Variants in CSNK1G1 observed in about 807,000 individuals in gnomAD.
CSNK1G1 encodes the protein casein kinase I isoform gamma-1.
A neutral mutation model predicts 59.6 loss-of-function variants in CSNK1G1; 22 were observed. The observed-to-expected ratio is 0.37, with a 90% CI of 0.26 to 0.53. CSNK1G1 has a LOEUF of 0.53. Ranked by LOEUF, CSNK1G1 falls within the 20% of genes least tolerant of loss-of-function variation. The pLI, the probability that CSNK1G1 is intolerant of heterozygous loss-of-function variation, is 0.89. For synonymous variants in CSNK1G1, 179 were observed against 177.1 expected (o/e 1.01, Z -0.08); for missense variants, 384 against 519.5 (o/e 0.74, Z 2.54).
At position 64,259,190 on chromosome 15, in the gene CSNK1G1, A is replaced by T; in HGVS notation, c.222+11T>A. The T allele has an allele frequency of 1.3e-6, 2 of 1,583,210 alleles. No homozygotes were observed. Among genetic ancestry groups the T allele is most frequent in the Non-Finnish European group, 1.7e-6 (2 of 1,162,414 alleles). On this transcript the variant is annotated intron_variant, in intron 3 of 11. Transcript: ENST00000303052. ...CCAAAACATTAATTACCACAAACAG[A>T]TTCTACTCACCAGTTTGATTGCTAC... is the stretch of plus-strand genomic sequence containing the variant.
At chr15:64,292,557 T>A (rs992600762) in intron 2 of CSNK1G1, among the ~76,000 whole-genome samples, 1 of 152,202 alleles carries the variant, frequency 6.6e-6, no homozygotes, top group Non-Finnish European at 1.5e-5. Flanking sequence ...ATGAATATTA[T>A]TAAAATCATA....
intron 4 of CSNK1G1, among the ~76,000 whole-genome samples, chr15:64,248,750 C>T (rs529230540): frequency 9.9e-5 from 15 of 152,164 alleles, no homozygotes; most frequent in South Asian, 2.1e-4. Context: ...TTAGAGAGGG[C>T]GAGGCAGGCA....
intron 4 of CSNK1G1, among the ~76,000 whole-genome samples, chr15:64,240,384 TAAC>T (rs1046637668): frequency 6.6e-6 from 1 of 152,088 alleles, no homozygotes; most frequent in Non-Finnish European, 1.5e-5. Context: ...TTTAATGAAA[TAAC>T]AACTGAAAAT....
At chr15:64,178,484 T>TTC (rs1389435363) in intron 11 of CSNK1G1, among the ~76,000 whole-genome samples, 22 of 142,736 alleles carry the variant, frequency 1.5e-4, no homozygotes, top group Admixed American at 1.1e-3. Context: ...AAAATTTTCT[T>TTC]TTTTTTTTTT....
intron 2 of CSNK1G1, among the ~76,000 whole-genome samples, chr15:64,292,822 G>A (rs1481455606): frequency 6.6e-6 from 1 of 152,128 alleles, no homozygotes; most frequent in Non-Finnish European, 1.5e-5. Flanking sequence ...CAGCTACTCA[G>A]GAGGCTGAGG....
At chr15:64,172,024 C>G (rs372629355) in intron 11 of CSNK1G1, 39 bp from the exon 12 acceptor site, 1 of 1,580,684 alleles carries the variant, frequency 6.3e-7, no homozygotes, top group South Asian at 1.1e-5. Flanking sequence ...TGCGGGAGGC[C>G]TGCAGCTTCC....
chr15:64,299,466 C>G (rs1382464684), intron 2 of CSNK1G1, among the ~76,000 whole-genome samples: 1 of 151,950 alleles, frequency 6.6e-6, no homozygotes, highest in Admixed American at 6.6e-5. Flanking sequence ...GTGGCGGATG[C>G]CTGTAGTCCC....
intron 4 of CSNK1G1, among the ~76,000 whole-genome samples, chr15:64,234,231 G>A (rs1026631043): frequency 6.6e-5 from 10 of 151,932 alleles, no homozygotes; most frequent in African/African-American, 9.7e-5. Flanking sequence ...CCCAGTGAAC[G>A]GGATTGCAAC....
At chr15:64,331,252 C>A (rs1275271267) in intron 1 of CSNK1G1, among the ~76,000 whole-genome samples, 1 of 132,498 alleles carries the variant, frequency 7.5e-6, no homozygotes, top group Non-Finnish European at 1.6e-5. Flanking sequence ...AAGCTGGAGG[C>A]ATCACACTAC....
At chr15:64,237,256 G>T (rs55700118) in intron 4 of CSNK1G1, among the ~76,000 whole-genome samples, 29,263 of 151,974 alleles carry the variant, frequency 0.19, 3,893 homozygotes, top group African/African-American at 0.38. Context: ...AAATTGCACA[G>T]GTATCCTCAA....
chr15:64,318,593 C>T (rs978343202), intron 1 of CSNK1G1, among the ~76,000 whole-genome samples: 3 of 150,382 alleles, frequency 2.0e-5, no homozygotes, highest in African/African-American at 4.9e-5. Flanking sequence ...GTTGCCCAGG[C>T]TGGAGTGTGG....
intron 6 of CSNK1G1, among the ~76,000 whole-genome samples, chr15:64,209,156 C>T (rs1311803333): frequency 6.6e-6 from 1 of 152,172 alleles, no homozygotes; most frequent in Non-Finnish European, 1.5e-5. Context: ...TCCCAAAGTG[C>T]TGGCACTACA....
At chr15:64,301,989 C>T (rs1321118563) in intron 1 of CSNK1G1, among the ~76,000 whole-genome samples, 1 of 152,156 alleles carries the variant, frequency 6.6e-6, no homozygotes, top group Non-Finnish European at 1.5e-5. Context: ...GACACCTATA[C>T]TCTAAACTTC....
intron 1 of CSNK1G1, among the ~76,000 whole-genome samples, chr15:64,311,495 A>G (rs1259545289): frequency 1.3e-5 from 2 of 152,160 alleles, no homozygotes; most frequent in Non-Finnish European, 2.9e-5. Flanking sequence ...AAATCAACAA[A>G]TATTTTGTGA....
intron 1 of CSNK1G1, among the ~76,000 whole-genome samples, chr15:64,318,782 T>A (rs1386504283): frequency 6.6e-6 from 1 of 151,974 alleles, no homozygotes; most frequent in South Asian, 2.1e-4. Context: ...GGCTAATTTT[T>A]GTATTTTTAG....
At chr15:64,321,298 C>T (rs925199954) in intron 1 of CSNK1G1, among the ~76,000 whole-genome samples, 2 of 150,126 alleles carry the variant, frequency 1.3e-5, no homozygotes, top group Admixed American at 1.3e-4. Context: ...CTCTGTTGCC[C>T]AGGCTGGAGT....
intron 10 of CSNK1G1, among the ~76,000 whole-genome samples, chr15:64,191,874 A>C (rs558484982): frequency 6.6e-6 from 1 of 152,326 alleles, no homozygotes; most frequent in Admixed American, 6.5e-5. Flanking sequence ...TTTCGGTAAG[A>C]TGTTAAATTC....
chr15:64,327,615 G>C (rs557889159), intron 1 of CSNK1G1, among the ~76,000 whole-genome samples: 1 of 150,230 alleles, frequency 6.7e-6, no homozygotes, highest in Non-Finnish European at 1.5e-5. Context: ...AACGCAGAGC[G>C]CCTCTCCTCC....
At chr15:64,244,565 T>C (rs1596150786) in intron 4 of CSNK1G1, among the ~76,000 whole-genome samples, 1 of 152,242 alleles carries the variant, frequency 6.6e-6, no homozygotes, top group East Asian at 1.9e-4. Context: ...AGACTCTGAA[T>C]AGCCAAAGCA....
Sources: allele counts gnomAD v4.1 joint callset (sites outside exome capture counted in the v4.1 genomes callset), GRCh38; gene constraint gnomAD v4.1.1; transcripts MANE v1.5; gene names NCBI Gene and HGNC (gene_info 2026-07-23, HGNC 2026-07-21).